PRMT8: variants seen among roughly 807,000 people sequenced by gnomAD.
PRMT8 encodes the protein protein arginine methyltransferase 8, also known as protein arginine N-methyltransferase 8.
Under a neutral mutation model 47.1 loss-of-function variants are expected in PRMT8, and 7 were observed. The observed-to-expected ratio is 0.15, with a 90% CI of 0.08 to 0.28. The LOEUF is 0.28. PRMT8 is among the 10% of genes least tolerant of loss of function. The probability of loss-of-function intolerance (pLI) is 1.00; values close to 1 mark genes in which losing one functional copy is unlikely to be tolerated. For synonymous variants in PRMT8, 188 were observed against 186.5 expected (o/e 1.01, Z -0.07); for missense variants, 237 against 505.4 (o/e 0.47, Z 5.09).
intron 6 of PRMT8, among the ~76,000 whole-genome samples, chr12:3,575,951 G>A (rs568153125): frequency 2.2e-4 from 34 of 152,192 alleles, no homozygotes; most frequent in Non-Finnish European, 3.2e-4. Flanking sequence ...CCCAGGAGGC[G>A]GAGGTTGCAG....
chr12:3,525,221 CA>C (rs907362731), intron 1 of PRMT8, among the ~76,000 whole-genome samples: 1 of 149,466 alleles, frequency 6.7e-6, no homozygotes, highest in African/African-American at 2.5e-5. Context: ...GACTCTGTCT[CA>C]AAAAAAAAGA....
chr12:3,387,458 TCC>T (rs1440255348), intron 1 of PRMT8, among the ~76,000 whole-genome samples: 2 of 152,214 alleles, frequency 1.3e-5, no homozygotes, highest in Non-Finnish European at 2.9e-5. Flanking sequence ...CTCTGATGTC[TCC>T]CTGCTTTGTA....
In PRMT8 at chr12:3,556,810, G is replaced by A. The variant is rs576330539; in HGVS notation, c.481+3096G>A. 4.6e-5 allele frequency among the ~76,000 whole-genome samples: 7 copies of A among 152,330 alleles called. No homozygotes were observed. The South Asian group carries it at 1.5e-3, about 32-fold the overall frequency. On this transcript the variant is annotated intron_variant, in intron 4 of 9. Coordinates refer to ENST00000382622, the MANE Select transcript of PRMT8 (RefSeq NM_019854.5). Reference sequence around the variant, plus strand: ...AAGGTAAGGTGTGTGTGTCAGGGGTGGCTTTTGCCCTGCCCAGTGGAGGGG... The same window carrying A: ...AAGGTAAGGTGTGTGTGTCAGGGGTAGCTTTTGCCCTGCCCAGTGGAGGGG...
At position 3,593,747 on chromosome 12, in the gene PRMT8, C is replaced by T. The variant is rs151272255; in HGVS notation, c.*565C>T. The T allele has an allele frequency of 6.7e-3, 1,037 of 155,064 alleles. 10 individuals are homozygous for T. The highest frequency in any genetic ancestry group is 0.02 in the Middle Eastern group (6 of 306). 9.6% of individuals were successfully genotyped at this position (155,064 alleles called of 1,614,324 possible). ...AGAGGGGTGTGTGTGTGTGTGCGTGCGCGTGTGCCTAGAATATATATTACT... is the reference window on the plus strand; with the variant it reads ...AGAGGGGTGTGTGTGTGTGTGCGTGTGCGTGTGCCTAGAATATATATTACT... On this transcript the variant is annotated 3_prime_UTR_variant, in exon 10 of 10. Coordinates refer to ENST00000382622, the MANE Select transcript of PRMT8 (RefSeq NM_019854.5). The surrounding 1 kb of genome is among the most constrained non-coding windows in gnomAD (Gnocchi z 4.8).
intron 1 of PRMT8, among the ~76,000 whole-genome samples, chr12:3,445,330 C>T (rs955711337): frequency 6.6e-6 from 1 of 152,156 alleles, no homozygotes; most frequent in Admixed American, 6.5e-5. Flanking sequence ...TGGGCCTGCC[C>T]AGAGTGTGGT....
At position 3,569,422 on chromosome 12, in the gene PRMT8, T is replaced by G. The variant is rs1866804235; in HGVS notation, c.625-55T>G. 16 of 1,429,914 alleles carry G rather than the reference T, an allele frequency of 1.1e-5. No individual in the cohort carries two copies. The highest frequency in any genetic ancestry group is 1.6e-5 in the Non-Finnish European group (16 of 1,011,888). The allele number at this position is 1,429,914 out of a possible 1,614,324, so 88.6% of individuals were successfully genotyped here. A position where few individuals can be genotyped will look rare whatever the true frequency, so the allele number is the denominator to read the frequency against. The stretch of plus-strand genomic sequence containing the variant: ...ACTCTATGTGCAGTTCAAAATGTGA[T>G]GTCTTTGTCAGGTGAATAGATTACG... On this transcript the variant is annotated intron_variant, in intron 5 of 9. Coordinates refer to ENST00000382622, the MANE Select transcript of PRMT8 (RefSeq NM_019854.5). This position sits in a 1 kb window ranked among gnomAD's most constrained non-coding sequence, Gnocchi z 8.2.
At chr12:3,460,898 T>G (rs1286441720) in intron 1 of PRMT8, among the ~76,000 whole-genome samples, 1 of 152,228 alleles carries the variant, frequency 6.6e-6, no homozygotes, top group Non-Finnish European at 1.5e-5. Context: ...GAAGAGATTT[T>G]GAGCATCACA....
At position 3,456,194 on chromosome 12, in the gene PRMT8, C is replaced by T. The variant is rs955853941; in HGVS notation, c.48+74752C>T. On this transcript the variant is annotated intron_variant, in intron 1 of 9. Coordinates refer to the PRMT8 transcript ENST00000452611. This position sits in a 1 kb window ranked among gnomAD's most constrained non-coding sequence, Gnocchi z 4.2. ...CGATGACCACATCCAAGTACGCCAG[C>T]GCTGGCACACCAAGCGCCACCTTTG... Among the ~76,000 whole-genome samples the T allele has an allele frequency of 2.0e-5, 3 of 152,230 alleles. No individual in the cohort carries two copies. Among genetic ancestry groups the T allele is most frequent in the South Asian group, 2.1e-4 (1 of 4,828 alleles).
Position 3,448,401 on chromosome 12 carries a change from G to C in PRMT8, c.48+66959G>C, listed in dbSNP as rs528614878. 3.2e-4 allele frequency among the ~76,000 whole-genome samples: 48 copies of C among 152,136 alleles called. No individual in the cohort carries two copies. The South Asian group carries it at 9.8e-3, about 31-fold the overall frequency. ...GTTATTGTATTACAAATTTAAATAAGGAAAATTTAAAAATTAGTTCATTTA... is the reference window on the plus strand; with the variant it reads ...GTTATTGTATTACAAATTTAAATAACGAAAATTTAAAAATTAGTTCATTTA... On this transcript the variant is annotated intron_variant, in intron 1 of 9. Transcript: ENST00000452611.
At chr12:3,452,824 A>G (rs935884895) in intron 1 of PRMT8, among the ~76,000 whole-genome samples, 3 of 152,160 alleles carry the variant, frequency 2.0e-5, no homozygotes, top group East Asian at 1.9e-4. Context: ...TCCTGCTGGG[A>G]AGTGCTGGCT....
At chr12:3,483,293 C>T (rs1865291765) in intron 1 of PRMT8, among the ~76,000 whole-genome samples, 1 of 152,176 alleles carries the variant, frequency 6.6e-6, no homozygotes, top group Non-Finnish European at 1.5e-5. Context: ...GGAGACAGTT[C>T]TCATACTTGC....
Position 3,593,229 on chromosome 12 carries a change from T to C in PRMT8, c.*47T>C. On this transcript the variant is annotated 3_prime_UTR_variant, in exon 10 of 10. Transcript: ENST00000382622. This position sits in a 1 kb window ranked among gnomAD's most constrained non-coding sequence, Gnocchi z 4.8. ...AGCAACGAGAAAAGGAACTCTCACC[T>C]CGATCTGCCGTGCCGTCCCAAAGAA... 1 of 1,488,994 alleles carries C rather than the reference T, an allele frequency of 6.7e-7. No homozygotes were observed. Among genetic ancestry groups the C allele is most frequent in the Non-Finnish European group, 9.3e-7 (1 of 1,071,652 alleles). The allele number at this position is 1,488,994 out of a possible 1,614,324, so 92.2% of individuals were successfully genotyped here. A position where few individuals can be genotyped will look rare whatever the true frequency, so the allele number is the denominator to read the frequency against.
chr12:3,547,031 T>C (rs902238473), intron 2 of PRMT8, among the ~76,000 whole-genome samples: 31 of 152,156 alleles, frequency 2.0e-4, no homozygotes, highest in Admixed American at 8.5e-4. Context: ...TCATATACCA[T>C]CTCAATAAAT....
intron 1 of PRMT8, among the ~76,000 whole-genome samples, chr12:3,484,302 G>C (rs1865302286): frequency 6.6e-6 from 1 of 152,222 alleles, no homozygotes. Flanking sequence ...AACAGAAGGA[G>C]GATGCGGGGT....
At chr12:3,427,717 A>T (rs983163133) in intron 1 of PRMT8, among the ~76,000 whole-genome samples, 3 of 152,068 alleles carry the variant, frequency 2.0e-5, no homozygotes, top group African/African-American at 7.2e-5. Flanking sequence ...ATTTTTTGAC[A>T]TGCCTCAATT....
At chr12:3,543,683 A>T (rs1372942427) in intron 2 of PRMT8, among the ~76,000 whole-genome samples, 1 of 152,172 alleles carries the variant, frequency 6.6e-6, no homozygotes, top group Non-Finnish European at 1.5e-5. Flanking sequence ...GACTCTGGAC[A>T]CTTCTGTTCT....
At chr12:3,471,982 A>G (rs1023186535) in intron 1 of PRMT8, among the ~76,000 whole-genome samples, 1 of 151,412 alleles carries the variant, frequency 6.6e-6, no homozygotes, top group African/African-American at 2.4e-5. Context: ...GCCTCTCTGA[A>G]CCTTTGTCCC....
chr12:3,529,055 T>C (rs1448797651), intron 1 of PRMT8, among the ~76,000 whole-genome samples: 2 of 152,364 alleles, frequency 1.3e-5, no homozygotes, highest in South Asian at 2.1e-4. Flanking sequence ...ATCCATGGTT[T>C]GATCAGTCTC....
At chr12:3,539,896 CA>C (rs1225548962) in intron 1 of PRMT8, among the ~76,000 whole-genome samples, 8 of 152,174 alleles carry the variant, frequency 5.3e-5, no homozygotes, top group African/African-American at 1.9e-4. Flanking sequence ...AGGTAGGAGA[CA>C]CCAGAACCTA....
Sources: gnomAD v4.1 joint callset for allele counts (sites outside exome capture counted in the v4.1 genomes callset) on GRCh38, gnomAD v4.1.1 for gene constraint, Gnocchi (gnomAD v3.1) non-coding constraint, MANE v1.5 for transcripts, NCBI Gene and HGNC (gene_info 2026-07-23, HGNC 2026-07-21) for gene names.